SPAG5: variants seen among roughly 807,000 people sequenced by gnomAD.
SPAG5 encodes the protein sperm-associated antigen 5.
Under a neutral mutation model 145.4 loss-of-function variants are expected in SPAG5, and 99 were observed. The ratio of observed to expected loss-of-function variants is 0.68; its 90% CI spans 0.58 to 0.80. SPAG5 has a LOEUF of 0.80. Among genes scored for constraint, SPAG5 ranks in the 30% least tolerant of loss-of-function variants. The pLI, the probability that SPAG5 is intolerant of heterozygous loss-of-function variation, is 0.00. For synonymous variants in SPAG5, 477 were observed against 525.4 expected (o/e 0.91, Z 1.26); for missense variants, 1,192 against 1,416.0 (o/e 0.84, Z 2.54).
rs200259457 is a variant in SPAG5 at position 28,579,108 on chromosome 17, C to T, written c.3117+33G>A. The T allele has an allele frequency of 5.1e-4, 800 of 1,564,198 alleles. 5 individuals are homozygous for T. The Middle Eastern group carries it at 5.6e-3, about 11-fold the overall frequency. Reference sequence around the variant, plus strand: ...GTGGGCCAGTAGAGCTGCCCCAGTTCTTCATCGCCCCACTTCTAGGTCCCT... The same window carrying T: ...GTGGGCCAGTAGAGCTGCCCCAGTTTTTCATCGCCCCACTTCTAGGTCCCT... On this transcript the variant is annotated intron_variant, in intron 19 of 23. Coordinates refer to ENST00000321765, the MANE Select transcript of SPAG5 (RefSeq NM_006461.4).
intron 4 of SPAG5, among the ~76,000 whole-genome samples, chr17:28,591,334 A>G (rs2070619602): frequency 6.6e-6 from 1 of 152,136 alleles, no homozygotes; most frequent in Admixed American, 6.5e-5. Context: ...CTTGCCCATG[A>G]TCATAGCTCA....
intron 15 of SPAG5, chr17:28,582,774 C>CA (rs2151519999): frequency 6.6e-6 from 1 of 152,306 alleles, no homozygotes; most frequent in African/African-American, 2.4e-5. Flanking sequence ...GTGCACACTG[C>CA]AGGGAGGCCA....
intron 4 of SPAG5, among the ~76,000 whole-genome samples, chr17:28,589,787 C>T (rs748362621): frequency 3.9e-5 from 6 of 152,068 alleles, no homozygotes; most frequent in Non-Finnish European, 7.4e-5. Flanking sequence ...TGGCATACAC[C>T]TACAGTCCTA....
intron 15 of SPAG5, 50 bp from the exon 16 acceptor site, chr17:28,580,170 T>TGGGCTTCCAGGTAACTCCC: frequency 7.6e-7 from 1 of 1,311,312 alleles, no homozygotes; most frequent in Non-Finnish European, 1.1e-6. Flanking sequence ...AGTGAACTCC[T>TGGGCTTCCAGGTAACTCCC]GGGCTTCCAG....
chr17:28,578,022 C>G lies in SPAG5; in HGVS notation c.3498G>C (p.Gln1166His). Residue 1166 changes from glutamine to histidine, a missense_variant, in exon 23 of 24, where the codon CAG (glutamine) becomes CAC (histidine). By Grantham distance (24) the Gln-to-His change is conservative (BLOSUM62 0). Transcript: ENST00000321765. Reference protein sequence around the residue: ...KELEKLDDIVQHIYKTLLSIP... With the variant: ...KELEKLDDIVHHIYKTLLSIP... Reference sequence around the variant, plus strand: ...CTCCTGCCTATACCTTATAAATATGCTGAACAATGTCATCTAGTTTTTCTA... The same window carrying G: ...CTCCTGCCTATACCTTATAAATATGGTGAACAATGTCATCTAGTTTTTCTA... 1 of 1,613,674 alleles carries G rather than the reference C, an allele frequency of 6.2e-7. No individual in the cohort carries two copies. Among genetic ancestry groups the G allele is most frequent in the Non-Finnish European group, 8.5e-7 (1 of 1,179,564 alleles).
intron 15 of SPAG5, among the ~76,000 whole-genome samples, chr17:28,581,533 C>A (rs1313424451): frequency 6.6e-6 from 1 of 151,260 alleles, no homozygotes; most frequent in Non-Finnish European, 1.5e-5. Context: ...GCTCTCCCAG[C>A]TGGACCTCAG....
chr17:28,577,845 C>G (rs1458563821), intron 23 of SPAG5, 75 bp from the exon 24 acceptor site: 1 of 1,349,056 alleles, frequency 7.4e-7, no homozygotes, highest in Non-Finnish European at 1.1e-6. Flanking sequence ...AGGAGGCAGC[C>G]GCTGAATTAG....
At chr17:28,590,895 T>TAAAAAAAAAAAAAA (rs2070617021) in intron 4 of SPAG5, among the ~76,000 whole-genome samples, 1 of 113,268 alleles carries the variant, frequency 8.8e-6, no homozygotes, top group African/African-American at 3.2e-5. Flanking sequence ...AAAAAAAAAC[T>TAAAAAAAAAAAAAA]AAAAGTATAA....
chr17:28,590,149 C>A (rs564598117), intron 4 of SPAG5, among the ~76,000 whole-genome samples: 1 of 152,092 alleles, frequency 6.6e-6, no homozygotes, highest in African/African-American at 2.4e-5. Flanking sequence ...TTAATGAAAT[C>A]GATGGAGATT....
rs143277490 is a variant in SPAG5 at position 28,595,290 on chromosome 17, A to AGTGT, written c.178-2228_178-2225dup. ...AAAAAAAAAAGACAATATAAAGATG[A>AGTGT]GTGTGTGTGTGTGTGTGTGCATATA... On this transcript the variant is annotated intron_variant, in intron 2 of 23. Transcript: ENST00000321765. Among the ~76,000 whole-genome samples the AGTGT allele has an allele frequency of 2.4e-3, 350 of 148,492 alleles. 3 individuals are homozygous for AGTGT. The highest frequency in any genetic ancestry group is 6.8e-3 in the African/African-American group (277 of 40,574).
chr17:28,587,249 A>G (rs1476185252), intron 4 of SPAG5, among the ~76,000 whole-genome samples: 1 of 110,540 alleles, frequency 9.0e-6, no homozygotes, highest in Admixed American at 8.3e-5. Flanking sequence ...CCCCATCTCT[A>G]AAAAAAAAAA....
Position 28,592,778 on chromosome 17 carries a change from T to G in SPAG5, c.466A>C (p.Asn156His). 6.2e-7 allele frequency: 1 copy of G among 1,614,242 alleles called. No individual in the cohort carries two copies. The highest frequency in any genetic ancestry group is 8.5e-7 in the Non-Finnish European group (1 of 1,180,040). The change falls in exon 3 of 24, where the codon AAC (asparagine) becomes CAC (histidine). Residue 156 changes from asparagine (N) to histidine (H), a missense_variant. Physicochemically the swap from Asn to His is moderately conservative, Grantham distance 68. Around this residue, in one of 5 missense-constraint regions of SPAG5, gnomAD observed 329 missense variants for 354.0 expected, o/e 0.93. Transcript: ENST00000321765. ...EARLDTMAETNSISLNGPLRT... is the reference protein window; with the variant it reads ...EARLDTMAETHSISLNGPLRT... ...AAAGGTCCATTTAAAGATATGCTGT[T>G]TGTCTCTGCCATGGTATCTAAACGG...
intron 15 of SPAG5, among the ~76,000 whole-genome samples, chr17:28,582,037 C>T (rs2070552515): frequency 6.6e-6 from 1 of 152,190 alleles, no homozygotes; most frequent in Admixed American, 6.5e-5. Flanking sequence ...GTTCTACTGC[C>T]TCTGCTTCCT....
At chr17:28,583,805 G>C in intron 14 of SPAG5, 48 bp downstream of exon 14, 1 of 1,578,802 alleles carries the variant, frequency 6.3e-7, no homozygotes, top group Middle Eastern at 1.7e-4. Context: ...GTGTTCCTGA[G>C]AAAAAAATAA....
rs182087975 is a variant in SPAG5, at chr17:28,593,970, G to C, written c.178-904C>G. ...GAATTACTGGCCTGGACAAGTGGAA[G>C]AAATATCTTAAAGCAAAGATAAAAA... On this transcript the variant is annotated intron_variant, in intron 2 of 23. Transcript: ENST00000321765. 6.6e-5 allele frequency among the ~76,000 whole-genome samples: 10 copies of C among 152,094 alleles called. No individual in the cohort carries two copies. In the South Asian group the frequency reaches 1.2e-3, roughly 19 times the overall value.
At chr17:28,590,021 A>G (rs2070609854) in intron 4 of SPAG5, among the ~76,000 whole-genome samples, 1 of 152,256 alleles carries the variant, frequency 6.6e-6, no homozygotes, top group African/African-American at 2.4e-5. Flanking sequence ...GGAAGGCTTT[A>G]AAGTGAAAAA....
At chr17:28,582,624 A>G (rs892074298) in intron 15 of SPAG5, 1 of 152,232 alleles carries the variant, frequency 6.6e-6, no homozygotes, top group Non-Finnish European at 1.5e-5. Context: ...ATTTGATGGC[A>G]TTTCCTGTGC....
intron 17 of SPAG5, 21 bp from the exon 18 acceptor site, chr17:28,579,506 T>TA (rs2070535789): frequency 1.2e-6 from 2 of 1,611,812 alleles, no homozygotes; most frequent in Non-Finnish European, 1.7e-6. Context: ...AAGTCCCAGA[T>TA]AGAGGTCTAG....
chr17:28,580,962 A>G (rs542645011), intron 15 of SPAG5, among the ~76,000 whole-genome samples: 1 of 152,210 alleles, frequency 6.6e-6, no homozygotes, highest in Non-Finnish European at 1.5e-5. Flanking sequence ...TCAACTTAGT[A>G]TGTATGAAGC....
Sources: gnomAD v4.1 joint callset for allele counts (sites outside exome capture counted in the v4.1 genomes callset) on GRCh38, gnomAD v4.1.1 for gene constraint, gnomAD v4.1.1 regional missense constraint, MANE v1.5 for transcripts, NCBI Gene and HGNC (gene_info 2026-07-23, HGNC 2026-07-21) for gene names.